Variants in TENM2 observed in about 807,000 individuals in gnomAD.
TENM2 encodes the protein teneurin transmembrane protein 2.
A neutral mutation model predicts 245.2 loss-of-function variants in TENM2; 52 were observed. The ratio of observed to expected loss-of-function variants is 0.21; its 90% CI spans 0.17 to 0.27. The LOEUF is 0.27. Among genes scored for constraint, TENM2 ranks in the 10% least tolerant of loss-of-function variants. The pLI is 1.00. For missense variants in TENM2, 3,046 were observed against 3,666.8 expected (o/e 0.83, Z 4.37); for synonymous variants, 1,363 against 1,438.9 (o/e 0.95, Z 1.19).
the TENM2 span, among the ~76,000 whole-genome samples, chr5:166,994,227 C>T: frequency 5.3e-5 from 8 of 152,196 alleles, no homozygotes; most frequent in African/African-American, 1.9e-4. Context: ...TGAAAGATAG[C>T]AAAATTCACT....
chr5:167,048,276 T>G, the TENM2 span, among the ~76,000 whole-genome samples: 1 of 152,184 alleles, frequency 6.6e-6, no homozygotes, highest in Non-Finnish European at 1.5e-5. Flanking sequence ...AAAAAATTCT[T>G]TATTATTCTC....
intron 2 of TENM2, among the ~76,000 whole-genome samples, chr5:167,666,682 A>G (rs1755599369): frequency 1.3e-5 from 2 of 152,200 alleles, no homozygotes; most frequent in Admixed American, 6.5e-5. Flanking sequence ...ATGTAAGCCT[A>G]TGCTAGGTTT....
intron 2 of TENM2, among the ~76,000 whole-genome samples, chr5:167,402,535 G>T (rs1019513828): frequency 3.9e-5 from 6 of 152,092 alleles, no homozygotes; most frequent in Admixed American, 3.3e-4. Flanking sequence ...GAGTTAGAAG[G>T]AAATGACATG....
At chr5:168,029,129 C>A (rs945366798) in intron 5 of TENM2, among the ~76,000 whole-genome samples, 1 of 152,192 alleles carries the variant, frequency 6.6e-6, no homozygotes, top group African/African-American at 2.4e-5. Flanking sequence ...ATGGCACCTT[C>A]TAGCTATGTC....
chr5:168,068,011 T>A (rs1458264002), intron 7 of TENM2, among the ~76,000 whole-genome samples: 6 of 152,102 alleles, frequency 3.9e-5, no homozygotes, highest in Non-Finnish European at 2.9e-5. Context: ...GAACCTTGGT[T>A]TCTTCTGAAC....
At chr5:167,868,237 T>A (rs1345745751) in intron 2 of TENM2, among the ~76,000 whole-genome samples, 1 of 151,996 alleles carries the variant, frequency 6.6e-6, no homozygotes, top group Admixed American at 6.6e-5. Context: ...ACCAAAAAGT[T>A]CCCACACATT....
chr5:167,339,184 G>A (rs192689982), intron 1 of TENM2, among the ~76,000 whole-genome samples: 2 of 152,276 alleles, frequency 1.3e-5, no homozygotes, highest in Admixed American at 6.5e-5. Flanking sequence ...AATCAGATAT[G>A]AATGAGACTC....
At chr5:167,286,022 A>G (rs972824208) in intron 1 of TENM2, among the ~76,000 whole-genome samples, 4 of 152,188 alleles carry the variant, frequency 2.6e-5, no homozygotes, top group African/African-American at 9.7e-5. Context: ...CAGCTTCCTT[A>G]AACTACTTTT....
chr5:167,017,590 A>G, the TENM2 span, among the ~76,000 whole-genome samples: 2 of 152,130 alleles, frequency 1.3e-5, no homozygotes, highest in East Asian at 1.9e-4. Flanking sequence ...GGATAACTAC[A>G]CTTCTGAGTT....
chr5:168,057,047 TAGAG>T (rs1199116098), intron 6 of TENM2, among the ~76,000 whole-genome samples: 2 of 151,720 alleles, frequency 1.3e-5, no homozygotes, highest in Non-Finnish European at 2.9e-5. Context: ...TGTATATATA[TAGAG>T]AGAAAGAATG....
chr5:167,548,399 C>A (rs1311142465), intron 2 of TENM2, among the ~76,000 whole-genome samples: 1 of 152,172 alleles, frequency 6.6e-6, no homozygotes, highest in Non-Finnish European at 1.5e-5. Context: ...AACTGTCTAG[C>A]TCCCTGTACA....
intron 5 of TENM2, among the ~76,000 whole-genome samples, chr5:168,027,687 T>C (rs1357495031): frequency 6.6e-6 from 1 of 152,252 alleles, no homozygotes; most frequent in Non-Finnish European, 1.5e-5. Flanking sequence ...CTGGTTCCTC[T>C]ACTTTCGGAA....
At chr5:167,814,865 A>G (rs1766925189) in intron 2 of TENM2, among the ~76,000 whole-genome samples, 1 of 152,164 alleles carries the variant, frequency 6.6e-6, no homozygotes, top group Non-Finnish European at 1.5e-5. Context: ...AGCAGCTCCA[A>G]TCAGGAAGGG....
At position 167,807,606 on chromosome 5, in the gene TENM2, T is replaced by C. The variant is rs1269096888; in HGVS notation, c.503-68380T>C. 3.1e-5 allele frequency among the ~76,000 whole-genome samples: 4 copies of C among 130,514 alleles called. No homozygotes were observed. The East Asian group carries it at 8.8e-4, about 29-fold the overall frequency. The allele number at this position is 130,514 out of a possible 152,430, so 85.6% of individuals were successfully genotyped here. The stretch of plus-strand genomic sequence containing the variant: ...ACAGGAAAATGAACTAAAAGTGACT[T>C]AATAAATGCATTTTTTTTAAAAAAA... On this transcript the variant is annotated intron_variant, in intron 2 of 28. Transcript: ENST00000518659.
At chr5:167,257,598 T>TA in the TENM2 span, among the ~76,000 whole-genome samples, 212 of 143,022 alleles carry the variant, frequency 1.5e-3, no homozygotes, top group Non-Finnish European at 1.7e-3. Flanking sequence ...CTAGGCAAGT[T>TA]AAAAAAAAAA....
intron 4 of TENM2, chr5:167,966,884 T>C (rs1454412054): frequency 6.6e-6 from 1 of 152,214 alleles, no homozygotes; most frequent in African/African-American, 2.4e-5. Context: ...GATTTCTCTG[T>C]ATTGCAAAAC....
intron 2 of TENM2, among the ~76,000 whole-genome samples, chr5:167,815,186 C>T (rs929645257): frequency 1.3e-5 from 2 of 152,116 alleles, no homozygotes; most frequent in African/African-American, 2.4e-5. Context: ...TTTCATGTGA[C>T]TTTCATAAGG....
intron 2 of TENM2, among the ~76,000 whole-genome samples, chr5:167,786,248 AT>A (rs953407550): frequency 3.3e-5 from 5 of 152,216 alleles, no homozygotes; most frequent in African/African-American, 1.2e-4. Flanking sequence ...TCTCTCACAA[AT>A]GGCAGAGGCT....
At chr5:167,115,865 A>G in the TENM2 span, among the ~76,000 whole-genome samples, 1 of 152,194 alleles carries the variant, frequency 6.6e-6, no homozygotes, top group Non-Finnish European at 1.5e-5. Flanking sequence ...ACTTGGGTCT[A>G]TAGTATCAGA....
Sources: allele counts gnomAD v4.1 joint callset (sites outside exome capture counted in the v4.1 genomes callset), GRCh38; gene constraint gnomAD v4.1.1; transcripts MANE v1.5; gene names NCBI Gene and HGNC (gene_info 2026-07-23, HGNC 2026-07-21).